The following COL27A1 variants were observed in gnomAD, a reference collection of about 807,000 sequenced individuals.
COL27A1 encodes the protein collagen alpha-1(XXVII) chain.
In COL27A1, 106 loss-of-function variants were observed where a neutral mutation model predicts 251.3. The ratio of observed to expected loss-of-function variants is 0.42; its 90% CI spans 0.36 to 0.50. The LOEUF (loss-of-function observed/expected upper bound fraction) is 0.50, where lower values mean the gene tolerates loss of function less well. Ranked by LOEUF, COL27A1 falls within the 20% of genes least tolerant of loss-of-function variation. The pLI, the probability that COL27A1 is intolerant of heterozygous loss-of-function variation, is 0.00. For synonymous variants in COL27A1, 1,000 were observed against 986.3 expected, an observed-to-expected ratio of 1.01 and a Z score of -0.26; for missense variants, 2,325 against 2,522.8, an observed-to-expected ratio of 0.92 and a Z score of 1.68.
chr9:114,181,229 T>A (rs1291030548), intron 4 of COL27A1, among the ~76,000 whole-genome samples: 3 of 152,022 alleles, frequency 2.0e-5, no homozygotes, highest in Non-Finnish European at 4.4e-5. Flanking sequence ...CCAGGTTCTG[T>A]CGCGTGCCAG....
intron 2 of COL27A1, among the ~76,000 whole-genome samples, chr9:114,164,443 G>A (rs948848312): frequency 6.6e-6 from 1 of 152,168 alleles, no homozygotes; most frequent in African/African-American, 2.4e-5. Flanking sequence ...GATGGTCTTT[G>A]GGGGACACCT....
chr9:114,275,610 G>A (rs1406470165), intron 36 of COL27A1, 51 bp from the exon 37 acceptor site: 19 of 1,292,180 alleles, frequency 1.5e-5, no homozygotes, highest in Middle Eastern at 1.9e-4. Context: ...GATGCACTTG[G>A]CAACTAACTT....
chr9:114,219,793 G>T lies in COL27A1; in HGVS notation c.2370G>T (p.Gly790=), dbSNP rs543032990. ...PGKRGKMGMP[G]FPGVFGERGP... ...TTGTTCTCTCTCATGCCCTCCAGGG[G>T]TTTCCTGGAGTCTTTGGGGAAAGAG... The change falls in exon 13 of 61, where the codon GGG becomes GGT. Residue 790 remains glycine (G), a splice_region_variant and synonymous_variant. Transcript: ENST00000356083. 1.2e-6 allele frequency: 2 copies of T among 1,605,428 alleles called. No individual in the cohort carries two copies. The highest frequency in any genetic ancestry group is 2.7e-5 in the African/African-American group (2 of 74,830).
chr9:114,291,722 C>T (rs554356452), intron 48 of COL27A1, among the ~76,000 whole-genome samples: 10 of 152,286 alleles, frequency 6.6e-5, no homozygotes, highest in Non-Finnish European at 1.2e-4. Context: ...GCACTCCAGC[C>T]TGGGCGGCAG....
At chr9:114,186,272 C>T (rs762065253) in intron 5 of COL27A1, among the ~76,000 whole-genome samples, 17 of 152,240 alleles carry the variant, frequency 1.1e-4, no homozygotes, top group Non-Finnish European at 2.1e-4. Context: ...GAGAATGAGG[C>T]AGAGAAGCTA....
At chr9:114,235,688 G>T (rs1438245203) in intron 17 of COL27A1, 36 bp downstream of exon 17, 1 of 1,530,598 alleles carries the variant, frequency 6.5e-7, no homozygotes, top group Non-Finnish European at 9.1e-7. Flanking sequence ...CCCTGCCCCT[G>T]CCCCTGCCCT....
At chr9:114,213,169 C>T (rs572224872) in intron 12 of COL27A1, among the ~76,000 whole-genome samples, 3 of 152,230 alleles carry the variant, frequency 2.0e-5, no homozygotes, top group African/African-American at 4.8e-5. Flanking sequence ...GCTTGGGGTA[C>T]GGAGTCTCCT....
chr9:114,237,590 G>T (rs1056964471), intron 18 of COL27A1, 72 bp from the exon 19 acceptor site: 5 of 1,257,996 alleles, frequency 4.0e-6, no homozygotes, highest in Non-Finnish European at 5.8e-6. Context: ...CACAACCAGC[G>T]GGGGAACGCA....
At chr9:114,308,753 C>G (rs1417089897) in intron 59 of COL27A1, among the ~76,000 whole-genome samples, 1 of 152,166 alleles carries the variant, frequency 6.6e-6, no homozygotes, top group Non-Finnish European at 1.5e-5. Flanking sequence ...CAGGGAGAGG[C>G]CCTGGCTCTG....
chr9:114,289,089 C>T (rs932094056), intron 44 of COL27A1, 122 bp downstream of exon 44: 3 of 1,395,682 alleles, frequency 2.1e-6, no homozygotes, highest in African/African-American at 1.4e-5. Flanking sequence ...TCTGGGGCAG[C>T]CATTTCTGTT....
chr9:114,224,765 A>G (rs1223017563), intron 14 of COL27A1, among the ~76,000 whole-genome samples: 1 of 140,942 alleles, frequency 7.1e-6, no homozygotes, highest in South Asian at 2.3e-4. Flanking sequence ...TGATCCTCCC[A>G]CCTCAGCCTC....
chr9:114,234,045 G>A (rs1054003646), intron 16 of COL27A1, among the ~76,000 whole-genome samples: 11 of 152,046 alleles, frequency 7.2e-5, no homozygotes, highest in Non-Finnish European at 1.2e-4. Flanking sequence ...ACTTACAACC[G>A]CTTGGCTCCC....
intron 7 of COL27A1, among the ~76,000 whole-genome samples, chr9:114,198,309 A>C (rs1397524393): frequency 6.6e-6 from 1 of 152,256 alleles, no homozygotes; most frequent in Non-Finnish European, 1.5e-5. Context: ...GACAGAAGAT[A>C]CAAAGAAAAA....
chr9:114,209,545 C>A, intron 10 of COL27A1, 130 bp from the exon 11 acceptor site: 1 of 848,060 alleles, frequency 1.2e-6, no homozygotes, highest in Non-Finnish European at 2.1e-6. Flanking sequence ...GCCACCGGAG[C>A]TGCCACTGCC....
chr9:114,200,718 C>T (rs1156351655), intron 7 of COL27A1, among the ~76,000 whole-genome samples: 3 of 152,234 alleles, frequency 2.0e-5, no homozygotes, highest in African/African-American at 7.2e-5. Flanking sequence ...GGAGAGGCAC[C>T]TTGTCCAGCA....
chr9:114,298,426 C>A (rs539909121), intron 49 of COL27A1, among the ~76,000 whole-genome samples: 2 of 152,288 alleles, frequency 1.3e-5, no homozygotes, highest in South Asian at 2.1e-4. Flanking sequence ...CAAAGTTGGA[C>A]AACTCACACT....
At chr9:114,286,505 C>T (rs1827869625) in intron 41 of COL27A1, among the ~76,000 whole-genome samples, 1 of 152,138 alleles carries the variant, frequency 6.6e-6, no homozygotes, top group Admixed American at 6.6e-5. Context: ...CTTGAACCGC[C>T]CATCCCTGCT....
chr9:114,247,531 G>A (rs1231361813), intron 24 of COL27A1, among the ~76,000 whole-genome samples: 1 of 152,232 alleles, frequency 6.6e-6, no homozygotes, highest in East Asian at 1.9e-4. Context: ...ATTTATGGAG[G>A]AGAAGCACGT....
intron 11 of COL27A1, among the ~76,000 whole-genome samples, chr9:114,210,636 C>A (rs1471661602): frequency 6.6e-6 from 1 of 152,142 alleles, no homozygotes; most frequent in Non-Finnish European, 1.5e-5. Flanking sequence ...GGGTGGTGGC[C>A]TCGGGATCTT....
Sources: gnomAD v4.1 joint callset for allele counts (sites outside exome capture counted in the v4.1 genomes callset) on GRCh38, gnomAD v4.1.1 for gene constraint, MANE v1.5 for transcripts, NCBI Gene and HGNC (gene_info 2026-07-23, HGNC 2026-07-21) for gene names.